Variants in SSBP2 observed in about 807,000 individuals in gnomAD.
SSBP2 encodes single-stranded DNA-binding protein 2.
SSBP2 carries 17 observed loss-of-function variants against 61.8 expected under a neutral mutation model. The ratio of observed to expected loss-of-function variants is 0.28; its 90% CI spans 0.19 to 0.41. The LOEUF (loss-of-function observed/expected upper bound fraction) is 0.41. SSBP2 is among the 10% of genes least tolerant of loss of function. SSBP2 has a pLI of 1.00. For missense variants in SSBP2, 310 were observed against 458.7 expected, an observed-to-expected ratio of 0.68 and a Z score of 2.96; for synonymous variants, 139 against 141.3, an observed-to-expected ratio of 0.98 and a Z score of 0.12.
intron 8 of SSBP2, among the ~76,000 whole-genome samples, chr5:81,471,782 G>A (rs1765260517): frequency 6.6e-6 from 1 of 151,634 alleles, no homozygotes; most frequent in South Asian, 2.1e-4. Context: ...ATATATTTAC[G>A]TGACACCATT....
intron 1 of SSBP2, among the ~76,000 whole-genome samples, chr5:81,717,172 G>A (rs945522618): frequency 2.0e-5 from 3 of 152,032 alleles, no homozygotes; most frequent in Admixed American, 1.3e-4. Context: ...CTTGTTACCA[G>A]GGCCGTTTGT....
chr5:81,433,002 C>T (rs1466286273), intron 15 of SSBP2, among the ~76,000 whole-genome samples: 6 of 150,738 alleles, frequency 4.0e-5, no homozygotes, highest in Non-Finnish European at 7.4e-5. Context: ...CAGACTCCCG[C>T]CCGGCCAGCC....
intron 1 of SSBP2, among the ~76,000 whole-genome samples, chr5:81,702,488 A>G (rs1279290095): frequency 5.3e-5 from 8 of 152,270 alleles, no homozygotes; most frequent in Non-Finnish European, 8.8e-5. Context: ...GCAAAGCAAT[A>G]GAAACAAAAT....
intron 4 of SSBP2, among the ~76,000 whole-genome samples, chr5:81,596,411 G>C (rs1288850896): frequency 1.6e-5 from 2 of 122,888 alleles, no homozygotes; most frequent in Non-Finnish European, 3.4e-5. Flanking sequence ...TGGCCATACT[G>C]CCCAAGGTAA....
intron 13 of SSBP2, among the ~76,000 whole-genome samples, chr5:81,441,879 T>C (rs1457273526): frequency 2.0e-5 from 3 of 152,154 alleles, no homozygotes; most frequent in African/African-American, 7.2e-5. Context: ...AAAAGCATAG[T>C]TTAGATATGG....
intron 1 of SSBP2, among the ~76,000 whole-genome samples, chr5:81,727,146 A>AG (rs1283690462): frequency 6.6e-6 from 1 of 152,216 alleles, no homozygotes; most frequent in Non-Finnish European, 1.5e-5. Flanking sequence ...GCCACTTACT[A>AG]GCTAAGTGTC....
intron 6 of SSBP2, among the ~76,000 whole-genome samples, chr5:81,478,616 C>T (rs1200928911): frequency 6.6e-6 from 1 of 152,116 alleles, no homozygotes; most frequent in African/African-American, 2.4e-5. Flanking sequence ...GGATTACAGG[C>T]GTGAGCCACC....
At chr5:81,489,742 A>G (rs1487678516) in intron 5 of SSBP2, among the ~76,000 whole-genome samples, 2 of 152,204 alleles carry the variant, frequency 1.3e-5, no homozygotes, top group East Asian at 1.9e-4. Context: ...AATAATTTTA[A>G]AATTGCCAAA....
intron 1 of SSBP2, among the ~76,000 whole-genome samples, chr5:81,738,026 CT>C (rs1033149476): frequency 6.6e-6 from 1 of 152,126 alleles, no homozygotes; most frequent in African/African-American, 2.4e-5. Context: ...CTCACACTTT[CT>C]CCCTGCACAT....
chr5:81,567,792 A>G (rs1773542462), intron 4 of SSBP2, among the ~76,000 whole-genome samples: 2 of 152,334 alleles, frequency 1.3e-5, no homozygotes, highest in South Asian at 4.1e-4. Flanking sequence ...GATGTGAGAC[A>G]CAGAGTCAAA....
rs149286755 is a variant in SSBP2 at position 81,610,471 on chromosome 5, G to T, written c.282+5002C>A. Among the ~76,000 whole-genome samples the T allele has an allele frequency of 9.9e-5, 15 of 152,240 alleles. No individual in the cohort carries two copies. In the East Asian group the frequency reaches 2.9e-3, roughly 29 times the overall value. On this transcript the variant is annotated intron_variant, in intron 4 of 16. Coordinates refer to ENST00000320672, the MANE Select transcript of SSBP2 (RefSeq NM_012446.5). Reference sequence around the variant, plus strand: ...AAAATATCTGTACCTTCTTTTACAAGAGATTCTGAGTCTTTCCTTCTAGAG... The same window carrying T: ...AAAATATCTGTACCTTCTTTTACAATAGATTCTGAGTCTTTCCTTCTAGAG...
At chr5:81,464,531 C>T (rs534183963) in intron 9 of SSBP2, among the ~76,000 whole-genome samples, 67 of 152,076 alleles carry the variant, frequency 4.4e-4, no homozygotes, top group African/African-American at 1.5e-3. Context: ...AATTTACTTC[C>T]GAATGATTTA....
chr5:81,438,626 G>GT (rs1274301009), intron 14 of SSBP2, among the ~76,000 whole-genome samples: 2 of 152,108 alleles, frequency 1.3e-5, no homozygotes, highest in Non-Finnish European at 2.9e-5. Flanking sequence ...AATATGTACA[G>GT]TAATGTTCAT....
chr5:81,750,383 G>C (rs1280465013), intron 1 of SSBP2, among the ~76,000 whole-genome samples: 1 of 145,398 alleles, frequency 6.9e-6, no homozygotes, highest in Admixed American at 6.8e-5. Flanking sequence ...CGCCCCGCGG[G>C]GCCCCGCTCG....
At chr5:81,494,014 T>C (rs1249424469) in intron 5 of SSBP2, among the ~76,000 whole-genome samples, 1 of 152,212 alleles carries the variant, frequency 6.6e-6, no homozygotes, top group Admixed American at 6.5e-5. Context: ...GTTCACAGTC[T>C]TGTAATTAAT....
intron 4 of SSBP2, among the ~76,000 whole-genome samples, chr5:81,515,503 T>C (rs1000321289): frequency 2.7e-4 from 41 of 151,938 alleles, no homozygotes; most frequent in Non-Finnish European, 1.9e-4. Context: ...TTTAGTGTAG[T>C]TCAGAGATGT....
Position 81,413,874 on chromosome 5 carries a change from C to T in SSBP2, c.*6630G>A, listed in dbSNP as rs1761217794. ...AATTATATTTAACTGAGCAATTTTA[C>T]CAAGACATGATGGAAAGTTAGCTGA... On this transcript the variant is annotated 3_prime_UTR_variant, in exon 17 of 17. Transcript: ENST00000320672. The T allele has an allele frequency of 3.3e-5, 5 of 152,036 alleles. No homozygotes were observed. Among genetic ancestry groups the T allele is most frequent in the Admixed American group, 3.3e-4 (5 of 15,264 alleles). 9.4% of individuals were successfully genotyped at this position (152,036 alleles called of 1,614,324 possible).
chr5:81,716,372 AAC>A (rs1389141576), intron 1 of SSBP2, among the ~76,000 whole-genome samples: 12 of 152,226 alleles, frequency 7.9e-5, no homozygotes, highest in Admixed American at 7.9e-4. Flanking sequence ...ATGTGTACAA[AAC>A]ACTGATAAAA....
intron 4 of SSBP2, among the ~76,000 whole-genome samples, chr5:81,543,781 A>AT (rs1451092175): frequency 6.6e-6 from 1 of 152,214 alleles, no homozygotes; most frequent in Non-Finnish European, 1.5e-5. Context: ...GAAAGAATGA[A>AT]GAAACAAATA....
Sources: allele counts gnomAD v4.1 joint callset (sites outside exome capture counted in the v4.1 genomes callset), GRCh38; gene constraint gnomAD v4.1.1; transcripts MANE v1.5; gene names NCBI Gene and HGNC (gene_info 2026-07-23, HGNC 2026-07-21).